The following BANF2 variants were observed in gnomAD, a reference collection of about 807,000 sequenced individuals.
BANF2 encodes barrier-to-autointegration factor-like protein.
In BANF2, 4 loss-of-function variants were observed where a neutral mutation model predicts 8.0. The ratio of observed to expected loss-of-function variants is 0.50; its 90% CI spans 0.25 to 1.14. The LOEUF (loss-of-function observed/expected upper bound fraction) is 1.14, where lower values mean the gene tolerates loss of function less well. Ranked by LOEUF, BANF2 falls within the 50% of genes most tolerant of loss-of-function variation. The pLI is 0.16. For synonymous variants in BANF2, 50 were observed against 40.6 expected (o/e 1.23, Z -0.88); for missense variants, 96 against 107.5 (o/e 0.89, Z 0.47).
At chr20:17,704,400 G>A (rs2037452604) in intron 1 of BANF2, among the ~76,000 whole-genome samples, 1 of 152,220 alleles carries the variant, frequency 6.6e-6, no homozygotes. Flanking sequence ...TGCACGTGGA[G>A]TAGCAAGGCT....
intron 3 of BANF2, among the ~76,000 whole-genome samples, chr20:17,728,827 C>A (rs939597118): frequency 6.6e-6 from 1 of 152,088 alleles, no homozygotes; most frequent in Non-Finnish European, 1.5e-5. Context: ...AGACAGCGGC[C>A]GCAGGTACCT....
chr20:17,726,216 C>T (rs2037807695), intron 3 of BANF2, among the ~76,000 whole-genome samples: 2 of 152,130 alleles, frequency 1.3e-5, no homozygotes, highest in South Asian at 4.1e-4. Flanking sequence ...GACAGGGTCT[C>T]ACTCTGTTGC....
intron 1 of BANF2, among the ~76,000 whole-genome samples, chr20:17,703,108 G>A (rs6080790): frequency 0.19 from 28,126 of 152,024 alleles, 3,102 homozygotes; most frequent in African/African-American, 0.31. Context: ...TCTCTCTGCC[G>A]GCATCACTTT....
intron 1 of BANF2, among the ~76,000 whole-genome samples, chr20:17,694,500 C>A (rs1239786411): frequency 6.8e-6 from 1 of 147,484 alleles, no homozygotes; most frequent in Non-Finnish European, 1.5e-5. Context: ...AGGTCAGAAA[C>A]AAAGGTAAGC....
At chr20:17,711,896 A>T (rs1020413601) in intron 1 of BANF2, among the ~76,000 whole-genome samples, 2 of 152,210 alleles carry the variant, frequency 1.3e-5, no homozygotes, top group African/African-American at 2.4e-5. Context: ...GAATAGTCAG[A>T]TTCTCTCCAG....
chr20:17,700,591 C>G (rs2037392394), intron 1 of BANF2, among the ~76,000 whole-genome samples: 2 of 152,304 alleles, frequency 1.3e-5, no homozygotes, highest in South Asian at 4.1e-4. Flanking sequence ...TATCAAATCA[C>G]TTCCTTTCCT....
chr20:17,728,638 T>G (rs1472944245), intron 3 of BANF2, among the ~76,000 whole-genome samples: 1 of 152,202 alleles, frequency 6.6e-6, no homozygotes. Flanking sequence ...GCTTTTGGCA[T>G]GCACTGGTCT....
intron 1 of BANF2, among the ~76,000 whole-genome samples, chr20:17,718,894 G>A (rs1407724047): frequency 1.3e-5 from 2 of 152,096 alleles, no homozygotes; most frequent in Admixed American, 1.3e-4. Flanking sequence ...AATACAGTAG[G>A]GTCATTGACA....
Position 17,699,987 on chromosome 20 carries a change from G to A in BANF2, c.-235G>A. On this transcript the variant is annotated 5_prime_UTR_variant, in exon 1 of 4. Coordinates refer to ENST00000246090, the MANE Select transcript of BANF2 (RefSeq NM_178477.5). ...GCCTAAGACATAAGCTGAACCTCTG[G>A]CCTGCAGTTCCAGATCCAAGGTGAC... 1.0e-6 allele frequency: 1 copy of A among 985,378 alleles called. No homozygotes were observed. The highest frequency in any genetic ancestry group is 1.2e-6 in the Non-Finnish European group (1 of 829,908). 61.0% of individuals were successfully genotyped at this position (985,378 alleles called of 1,614,324 possible).
At chr20:17,699,544 A>G (rs1441864016), upstream of BANF2, among the ~76,000 whole-genome samples, 3 of 152,202 alleles carry the variant, frequency 2.0e-5, no homozygotes, top group Admixed American at 2.0e-4. Flanking sequence ...GGTAGAAGAA[A>G]AAGCTGCCCT....
At chr20:17,731,759 GAAAAA>G (rs58645809) in intron 3 of BANF2, among the ~76,000 whole-genome samples, 3 of 95,060 alleles carry the variant, frequency 3.2e-5, no homozygotes, top group Admixed American at 1.3e-4. Flanking sequence ...CGTCTCTTAG[GAAAAA>G]AAAAAAAAAA....
upstream of BANF2, among the ~76,000 whole-genome samples, chr20:17,695,834 C>T (rs1056627742): frequency 3.3e-5 from 5 of 152,166 alleles, no homozygotes; most frequent in African/African-American, 9.7e-5. Flanking sequence ...AACCTGTTCC[C>T]CCATCCCCCA....
chr20:17,734,510 G>A (rs1339092718), intron 3 of BANF2, among the ~76,000 whole-genome samples: 1 of 152,190 alleles, frequency 6.6e-6, no homozygotes, highest in Non-Finnish European at 1.5e-5. Context: ...GGTTACATGA[G>A]TTGCCTGAGA....
At chr20:17,719,710 C>A (rs1372332996) in intron 1 of BANF2, among the ~76,000 whole-genome samples, 1 of 148,790 alleles carries the variant, frequency 6.7e-6, no homozygotes, top group Non-Finnish European at 1.5e-5. Flanking sequence ...AAAAGAGGAG[C>A]AGCTTGTTAT....
At chr20:17,702,262 C>T (rs1046780724) in intron 1 of BANF2, among the ~76,000 whole-genome samples, 5 of 152,246 alleles carry the variant, frequency 3.3e-5, no homozygotes, top group African/African-American at 7.2e-5. Flanking sequence ...ATTTCCAGCT[C>T]CTCTTGGACG....
intron 1 of BANF2, among the ~76,000 whole-genome samples, chr20:17,701,828 G>C (rs1207254689): frequency 6.6e-6 from 1 of 152,238 alleles, no homozygotes; most frequent in East Asian, 1.9e-4. Context: ...AATTTGCAGA[G>C]TTAACCTGTG....
chr20:17,697,313 A>G (rs1248183372), upstream of BANF2, among the ~76,000 whole-genome samples: 1 of 152,192 alleles, frequency 6.6e-6, no homozygotes, highest in Admixed American at 6.5e-5. Context: ...CCCTGGGGGT[A>G]GCACATTCAG....
upstream of BANF2, among the ~76,000 whole-genome samples, chr20:17,695,466 A>AAC (rs2037339180): frequency 6.6e-6 from 1 of 151,108 alleles, no homozygotes; most frequent in Non-Finnish European, 1.5e-5. Flanking sequence ...AAAAAAAAAA[A>AAC]AAAGTAGAGT....
chr20:17,728,862 A>G (rs2037851419), intron 3 of BANF2, among the ~76,000 whole-genome samples: 1 of 152,172 alleles, frequency 6.6e-6, no homozygotes, highest in African/African-American at 2.4e-5. Flanking sequence ...ACTGAGATGT[A>G]CTAGAAATAT....
Sources: allele counts gnomAD v4.1 joint callset (sites outside exome capture counted in the v4.1 genomes callset), GRCh38; gene constraint gnomAD v4.1.1; transcripts MANE v1.5; gene names NCBI Gene and HGNC (gene_info 2026-07-23, HGNC 2026-07-21).